CSGALNACT1: variants seen among roughly 807,000 people sequenced by gnomAD.
CSGALNACT1 encodes the protein beta4GalNAcT-1.
In CSGALNACT1, 52 loss-of-function variants were observed where a neutral mutation model predicts 51.0. That is an observed-to-expected ratio of 1.02 (90% CI 0.82 to 1.29). The LOEUF (loss-of-function observed/expected upper bound fraction) is 1.29, where lower values mean the gene tolerates loss of function less well. Ranked by LOEUF, CSGALNACT1 falls within the 50% of genes most tolerant of loss-of-function variation. CSGALNACT1 has a pLI of 0.00. For missense variants in CSGALNACT1, 935 were observed against 679.2 expected, an observed-to-expected ratio of 1.38 and a Z score of -4.19; for synonymous variants, 341 against 254.4, an observed-to-expected ratio of 1.34 and a Z score of -3.24.
At chr8:19,680,371 C>T (rs530306527) in intron 1 of CSGALNACT1, among the ~76,000 whole-genome samples, 6 of 152,082 alleles carry the variant, frequency 3.9e-5, no homozygotes, top group Admixed American at 2.0e-4. Context: ...GCCTGGCCAA[C>T]GTGGCAAAAC....
At chr8:19,496,846 A>G (rs2075566182) in intron 4 of CSGALNACT1, among the ~76,000 whole-genome samples, 1 of 152,176 alleles carries the variant, frequency 6.6e-6, no homozygotes, top group Non-Finnish European at 1.5e-5. Context: ...TCCTTTCGCA[A>G]GCTCTTTCTC....
At chr8:19,731,483 G>A (rs2063691175) in intron 1 of CSGALNACT1, among the ~76,000 whole-genome samples, 1 of 152,166 alleles carries the variant, frequency 6.6e-6, no homozygotes, top group South Asian at 2.1e-4. Context: ...ATTCTAGCCT[G>A]GACGAGAGCG....
chr8:19,415,220 G>A (rs972610688), intron 8 of CSGALNACT1, among the ~76,000 whole-genome samples: 17 of 152,186 alleles, frequency 1.1e-4, no homozygotes, highest in African/African-American at 3.9e-4. Flanking sequence ...ACCAAGTAAT[G>A]AAAGCGTTTC....
At chr8:19,408,614 T>G in exon 9 of CSGALNACT1, 1 of 1,612,254 alleles carries the variant, frequency 6.2e-7, no homozygotes, top group Non-Finnish European at 8.5e-7. Flanking sequence ...TTGTCCTACC[T>G]ATATTGATGA....
intron 1 of CSGALNACT1, among the ~76,000 whole-genome samples, chr8:19,682,242 C>G (rs888812389): frequency 6.6e-6 from 1 of 152,100 alleles, no homozygotes; most frequent in Non-Finnish European, 1.5e-5. Context: ...ACTCCTGCCT[C>G]GGGTCCAGCA....
At chr8:19,435,489 A>G (rs142499247) in intron 6 of CSGALNACT1, among the ~76,000 whole-genome samples, 1,840 of 113,052 alleles carry the variant, frequency 0.016, 30 homozygotes, top group African/African-American at 0.069. Flanking sequence ...GAGACTCTGA[A>G]TCAAAAAAAA....
At chr8:19,571,245 C>A (rs2042956977) in intron 3 of CSGALNACT1, among the ~76,000 whole-genome samples, 1 of 152,156 alleles carries the variant, frequency 6.6e-6, no homozygotes, top group African/African-American at 2.4e-5. Flanking sequence ...ACTGGGATTA[C>A]AGGTCTCTGA....
At chr8:19,698,985 CT>C (rs1200327724) in intron 1 of CSGALNACT1, among the ~76,000 whole-genome samples, 1 of 152,148 alleles carries the variant, frequency 6.6e-6, no homozygotes, top group Non-Finnish European at 1.5e-5. Context: ...CTCATAATAC[CT>C]GACGCAATGT....
chr8:19,435,812 T>C (rs1474886945), intron 6 of CSGALNACT1, among the ~76,000 whole-genome samples: 1 of 152,052 alleles, frequency 6.6e-6, no homozygotes, highest in Admixed American at 6.6e-5. Flanking sequence ...TTTCTGTCTA[T>C]GTTAGTAGCT....
At chr8:19,667,004 A>AAGGAAGGAAGG (rs1564385997) in intron 1 of CSGALNACT1, among the ~76,000 whole-genome samples, 6 of 25,090 alleles carry the variant, frequency 2.4e-4, no homozygotes, top group African/African-American at 5.3e-4. Flanking sequence ...AGAAAGAAAG[A>AAGGAAGGAAGG]AAGAAAGAAA....
chr8:19,540,411 A>G (rs188387241), intron 3 of CSGALNACT1, among the ~76,000 whole-genome samples: 42 of 152,332 alleles, frequency 2.8e-4, no homozygotes, highest in African/African-American at 9.9e-4. Context: ...TTCGTACCCC[A>G]TCGGCTCACT....
chr8:19,520,845 G>A (rs564133149), intron 3 of CSGALNACT1, among the ~76,000 whole-genome samples: 82 of 152,310 alleles, frequency 5.4e-4, no homozygotes, highest in South Asian at 4.1e-4. Context: ...CAAGGACGTT[G>A]AGACAGAGGT....
intron 3 of CSGALNACT1, among the ~76,000 whole-genome samples, chr8:19,507,227 G>T (rs2077505337): frequency 6.6e-6 from 1 of 152,210 alleles, no homozygotes; most frequent in South Asian, 2.1e-4. Flanking sequence ...ATCAGATTCA[G>T]AAATACTGTC....
chr8:19,563,499 C>T (rs979578093), intron 3 of CSGALNACT1, among the ~76,000 whole-genome samples: 1 of 152,096 alleles, frequency 6.6e-6, no homozygotes, highest in Non-Finnish European at 1.5e-5. Flanking sequence ...GACCTGGAGT[C>T]GCCTTTACCC....
At chr8:19,593,654 T>A (rs2048302740) in intron 2 of CSGALNACT1, among the ~76,000 whole-genome samples, 2 of 152,188 alleles carry the variant, frequency 1.3e-5, no homozygotes, top group Non-Finnish European at 2.9e-5. Context: ...TCAGGAAGGG[T>A]GGTTTTCATC....
chr8:19,603,445 G>T (rs370699185), upstream of CSGALNACT1, among the ~76,000 whole-genome samples: 329 of 152,296 alleles, frequency 2.2e-3, 3 homozygotes, highest in African/African-American at 7.6e-3. Flanking sequence ...TGCGGTGCCT[G>T]CGCGGCTCCC....
intron 7 of CSGALNACT1, among the ~76,000 whole-genome samples, chr8:19,419,095 C>T (rs2057441482): frequency 6.6e-6 from 1 of 152,174 alleles, no homozygotes; most frequent in Non-Finnish European, 1.5e-5. Context: ...ATCCACCCGC[C>T]TCGGCCTCCC....
chr8:19,741,967 G>C (rs1276749831), intron 1 of CSGALNACT1, among the ~76,000 whole-genome samples: 1 of 152,154 alleles, frequency 6.6e-6, no homozygotes, highest in African/African-American at 2.4e-5. Context: ...GCTCAACCCT[G>C]AACAGCTGCG....
intron 1 of CSGALNACT1, among the ~76,000 whole-genome samples, chr8:19,721,745 T>A (rs1270715965): frequency 6.6e-6 from 1 of 152,240 alleles, no homozygotes. Flanking sequence ...CGCATTATGC[T>A]GAGAACACAT....
Sources: gnomAD v4.1 joint callset for allele counts (sites outside exome capture counted in the v4.1 genomes callset) on GRCh38, gnomAD v4.1.1 for gene constraint, MANE v1.5 for transcripts, NCBI Gene and HGNC (gene_info 2026-07-23, HGNC 2026-07-21) for gene names.